LRMDA: variants seen among roughly 807,000 people sequenced by gnomAD.
LRMDA encodes the protein leucine-rich melanocyte differentiation-associated protein.
In LRMDA, 18 loss-of-function variants were observed where a neutral mutation model predicts 29.8. The ratio of observed to expected loss-of-function variants is 0.60; its 90% confidence interval spans 0.42 to 0.90. The LOEUF (loss-of-function observed/expected upper bound fraction) is 0.90. Among genes scored for constraint, LRMDA ranks in the 40% least tolerant of loss-of-function variants. The probability of loss-of-function intolerance (pLI) is 0.00; values close to 1 mark genes in which losing one functional copy is unlikely to be tolerated. For missense variants in LRMDA, 273 were observed against 273.9 expected (o/e 1.00, Z 0.02); for synonymous variants, 125 against 109.4 (o/e 1.14, Z -0.89).
At chr10:76,402,069 T>A (rs1475806629) in intron 6 of LRMDA, among the ~76,000 whole-genome samples, 1 of 152,112 alleles carries the variant, frequency 6.6e-6, no homozygotes, top group Non-Finnish European at 1.5e-5. Flanking sequence ...CTGAGTATGG[T>A]GCAGGAAGCA....
At chr10:75,877,767 AGGG>A (rs1255888857) in intron 2 of LRMDA, among the ~76,000 whole-genome samples, 4 of 152,178 alleles carry the variant, frequency 2.6e-5, no homozygotes, top group Non-Finnish European at 5.9e-5. Flanking sequence ...CTTGAAGGGG[AGGG>A]GCTGATGGGA....
intron 2 of LRMDA, among the ~76,000 whole-genome samples, chr10:75,654,157 T>C (rs1033744614): frequency 6.6e-6 from 1 of 152,218 alleles, no homozygotes; most frequent in Non-Finnish European, 1.5e-5. Context: ...TTTGGTGATA[T>C]AGTAATTTTA....
chr10:76,474,648 G>GAAAATGCAAATC (rs1842649129), intron 6 of LRMDA, among the ~76,000 whole-genome samples: 1 of 151,606 alleles, frequency 6.6e-6, no homozygotes, highest in Non-Finnish European at 1.5e-5. Flanking sequence ...TAGCCATTAG[G>GAAAATGCAAATC]AAAATGCAAA....
intron 6 of LRMDA, among the ~76,000 whole-genome samples, chr10:76,445,180 G>A (rs1842342429): frequency 6.6e-6 from 1 of 152,084 alleles, no homozygotes; most frequent in African/African-American, 2.4e-5. Context: ...AGCTGATATA[G>A]GATAATTTGC....
rs1209942453 is a variant in LRMDA at position 76,363,179 on chromosome 10, AGGG to A, written c.601+38695_601+38697del. Among the ~76,000 whole-genome samples, 41 of 11,762 alleles carry A rather than the reference AGGG, an allele frequency of 3.5e-3. 1 individual carries two copies. The highest frequency in any genetic ancestry group is 0.012 in the South Asian group (4 of 322). 7.7% of individuals were successfully genotyped at this position (11,762 alleles called of 152,430 possible). A position where few individuals can be genotyped will look rare whatever the true frequency, so the allele number is the denominator to read the frequency against. ...AAAGAAAGAAAGAAAGAAAGAAAGG[AGGG>A]AGGGAGGGAGGGAGGGAGGGAGGGA... On this transcript the variant is annotated intron_variant, in intron 6 of 6. Coordinates refer to ENST00000611255, the MANE Select transcript of LRMDA (RefSeq NM_001305581.2).
At chr10:75,980,471 T>C (rs1297235261) in intron 2 of LRMDA, among the ~76,000 whole-genome samples, 2 of 152,034 alleles carry the variant, frequency 1.3e-5, no homozygotes, top group Non-Finnish European at 2.9e-5. Flanking sequence ...TGACTTACAG[T>C]GGGTAAGGTT....
At chr10:75,539,189 TGTCA>T (rs1396554452) in intron 2 of LRMDA, among the ~76,000 whole-genome samples, 1 of 152,188 alleles carries the variant, frequency 6.6e-6, no homozygotes, top group Non-Finnish European at 1.5e-5. Flanking sequence ...ATTTTTCTGG[TGTCA>T]GTCAAATTAT....
intron 2 of LRMDA, among the ~76,000 whole-genome samples, chr10:75,931,959 T>C (rs1846212691): frequency 6.6e-6 from 1 of 152,182 alleles, no homozygotes; most frequent in South Asian, 2.1e-4. Flanking sequence ...CCCTGACAGC[T>C]CAGTCACACA....
chr10:76,192,639 G>A (rs1054414354), intron 5 of LRMDA, among the ~76,000 whole-genome samples: 3 of 152,204 alleles, frequency 2.0e-5, no homozygotes, highest in East Asian at 1.9e-4. Flanking sequence ...TCATTGGCTG[G>A]ATGTGATTTA....
At chr10:76,317,367 A>G (rs1357600093) in intron 5 of LRMDA, among the ~76,000 whole-genome samples, 1 of 152,116 alleles carries the variant, frequency 6.6e-6, no homozygotes. Flanking sequence ...CTTTTTCCTC[A>G]ACTCGTATTT....
At chr10:76,358,608 TTGGGG>T (rs1431186615) in intron 6 of LRMDA, among the ~76,000 whole-genome samples, 1 of 152,116 alleles carries the variant, frequency 6.6e-6, no homozygotes, top group Non-Finnish European at 1.5e-5. Flanking sequence ...TGGCTAAGGG[TTGGGG>T]TACACTGTCT....
chr10:76,072,010 AG>A (rs1848883599), intron 5 of LRMDA, among the ~76,000 whole-genome samples: 1 of 152,242 alleles, frequency 6.6e-6, no homozygotes, highest in African/African-American at 2.4e-5. Context: ...CTAACCAATA[AG>A]GGAGTCATAC....
chr10:75,924,620 G>C lies in LRMDA; in HGVS notation c.132-111388G>C, dbSNP rs375913002. ...GCTATAAGGTGGCAGAGTAGAACAGGCTGTCAGAGCGGGAAAGTGGCTTTA... is the reference window on the plus strand; with the variant it reads ...GCTATAAGGTGGCAGAGTAGAACAGCCTGTCAGAGCGGGAAAGTGGCTTTA... On this transcript the variant is annotated intron_variant, in intron 2 of 6. Coordinates refer to ENST00000611255, the MANE Select transcript of LRMDA (RefSeq NM_001305581.2). 4.6e-5 allele frequency among the ~76,000 whole-genome samples: 7 copies of C among 152,222 alleles called. No homozygotes were observed. The East Asian group carries it at 9.7e-4, about 21-fold the overall frequency.
intron 5 of LRMDA, among the ~76,000 whole-genome samples, chr10:76,109,549 C>G (rs1849542335): frequency 6.6e-6 from 1 of 152,236 alleles, no homozygotes; most frequent in South Asian, 2.1e-4. Flanking sequence ...AGCAACCACC[C>G]TACCAGAAGC....
At chr10:76,422,303 C>T (rs986986917) in intron 6 of LRMDA, among the ~76,000 whole-genome samples, 3 of 152,036 alleles carry the variant, frequency 2.0e-5, no homozygotes, top group Admixed American at 1.3e-4. Context: ...CCTCTCAGGT[C>T]GTCACTGCCT....
chr10:75,745,205 T>C (rs1433143441), intron 2 of LRMDA, among the ~76,000 whole-genome samples: 1 of 152,230 alleles, frequency 6.6e-6, no homozygotes, highest in Non-Finnish European at 1.5e-5. Context: ...GCAATCTAAC[T>C]GTAGATTTTT....
At chr10:75,599,699 A>G (rs1027620612) in intron 2 of LRMDA, among the ~76,000 whole-genome samples, 3 of 152,232 alleles carry the variant, frequency 2.0e-5, no homozygotes, top group Non-Finnish European at 2.9e-5. Flanking sequence ...GCAGTGTCCA[A>G]TATGGTAGCC....
chr10:76,291,247 A>G (rs1216500860), intron 5 of LRMDA, among the ~76,000 whole-genome samples: 1 of 152,188 alleles, frequency 6.6e-6, no homozygotes, highest in Non-Finnish European at 1.5e-5. Flanking sequence ...TGGGTCTCAA[A>G]ATAAATAACA....
chr10:76,303,705 A>T (rs1255992416), intron 5 of LRMDA, among the ~76,000 whole-genome samples: 1 of 132,694 alleles, frequency 7.5e-6, no homozygotes, highest in Non-Finnish European at 1.6e-5. Context: ...TGGGAATGGG[A>T]TTGCCACTCT....
Sources: allele counts gnomAD v4.1 joint callset (sites outside exome capture counted in the v4.1 genomes callset), GRCh38; gene constraint gnomAD v4.1.1; transcripts MANE v1.5; gene names NCBI Gene and HGNC (gene_info 2026-07-23, HGNC 2026-07-21).